The following PIBF1 variants were observed in gnomAD, a reference collection of about 807,000 sequenced individuals.
The protein encoded by PIBF1 is progesterone immunomodulatory binding factor 1, also known as progesterone-induced-blocking factor 1.
Under a neutral mutation model 112.5 loss-of-function variants are expected in PIBF1, and 90 were observed. That is an observed-to-expected ratio of 0.80 (90% confidence interval 0.67 to 0.95). The LOEUF (loss-of-function observed/expected upper bound fraction) is 0.95, where lower values mean the gene tolerates loss of function less well. Ranked by LOEUF, PIBF1 falls within the 40% of genes least tolerant of loss-of-function variation. The pLI is 0.00. For synonymous variants in PIBF1, 301 were observed against 288.6 expected (o/e 1.04, Z -0.44); for missense variants, 915 against 852.3 (o/e 1.07, Z -0.92).
intron 17 of PIBF1, among the ~76,000 whole-genome samples, chr13:73,009,797 G>C (rs934593010): frequency 2.6e-5 from 4 of 152,198 alleles, no homozygotes; most frequent in African/African-American, 9.6e-5. Flanking sequence ...ACTTGACTGT[G>C]GCAAATCTGT....
chr13:72,878,089 T>G (rs1343922690), intron 10 of PIBF1, among the ~76,000 whole-genome samples: 1 of 151,932 alleles, frequency 6.6e-6, no homozygotes, highest in Admixed American at 6.6e-5. Flanking sequence ...CTCTTTTTCT[T>G]AGTGTAGCTA....
At chr13:72,870,360 A>C (rs2039111058) in intron 10 of PIBF1, among the ~76,000 whole-genome samples, 1 of 152,214 alleles carries the variant, frequency 6.6e-6, no homozygotes, top group African/African-American at 2.4e-5. Flanking sequence ...TGAGTACATC[A>C]AAAGGCAAAA....
At position 72,998,872 on chromosome 13, in the gene PIBF1, T is replaced by G; in HGVS notation, c.2100T>G (p.Ser700=). ...QILVKMHSKH[S]ENSLLLTKTE... ...TCGTTAAGATGCATAGTAAACATTCTGAGAACAGCTTACTTCTCACTAAAA... is the reference window on the plus strand; with the variant it reads ...TCGTTAAGATGCATAGTAAACATTCGGAGAACAGCTTACTTCTCACTAAAA... The change falls in exon 17 of 18, where the codon TCT becomes TCG. Residue 700 remains serine (S), a synonymous_variant. Coordinates refer to ENST00000326291, the MANE Select transcript of PIBF1 (RefSeq NM_006346.4). 2 of 1,612,270 alleles carry G rather than the reference T, an allele frequency of 1.2e-6. No homozygotes were observed. Among genetic ancestry groups the G allele is most frequent in the Non-Finnish European group, 1.7e-6 (2 of 1,178,770 alleles).
At chr13:73,013,628 T>C (rs1435670982) in intron 17 of PIBF1, among the ~76,000 whole-genome samples, 1 of 150,102 alleles carries the variant, frequency 6.7e-6, no homozygotes, top group Non-Finnish European at 1.5e-5. Flanking sequence ...TCCCAGGTAC[T>C]CGGAAGGCTG....
intron 2 of PIBF1, among the ~76,000 whole-genome samples, chr13:72,792,022 G>A (rs754243082): frequency 2.6e-4 from 39 of 152,058 alleles, no homozygotes; most frequent in African/African-American, 7.0e-4. Context: ...GAGGCCAGGC[G>A]CGGTGGCTCA....
intron 5 of PIBF1, among the ~76,000 whole-genome samples, chr13:72,802,595 A>G (rs1441593642): frequency 6.6e-6 from 1 of 152,204 alleles, no homozygotes; most frequent in African/African-American, 2.4e-5. Flanking sequence ...AACTGGAAGG[A>G]TAGATTTCTG....
intron 14 of PIBF1, among the ~76,000 whole-genome samples, chr13:72,964,186 A>G (rs980988098): frequency 2.0e-5 from 3 of 152,244 alleles, no homozygotes; most frequent in African/African-American, 7.2e-5. Flanking sequence ...ATGATACAAC[A>G]TAGATGAACT....
At chr13:72,847,193 A>G (rs906843821) in intron 9 of PIBF1, among the ~76,000 whole-genome samples, 1 of 152,182 alleles carries the variant, frequency 6.6e-6, no homozygotes, top group East Asian at 1.9e-4. Flanking sequence ...ATAATTTTTC[A>G]ACCATAATTT....
intron 17 of PIBF1, among the ~76,000 whole-genome samples, chr13:73,013,312 A>G (rs2044271054): frequency 6.9e-6 from 1 of 145,650 alleles, no homozygotes; most frequent in African/African-American, 2.5e-5. Flanking sequence ...AAAAAAAAAA[A>G]AAAAAAAAAA....
At chr13:72,888,372 G>A (rs145266033) in intron 10 of PIBF1, among the ~76,000 whole-genome samples, 11 of 152,208 alleles carry the variant, frequency 7.2e-5, no homozygotes, top group African/African-American at 2.6e-4. Flanking sequence ...TCAAATATTG[G>A]TGAGGAGATG....
chr13:72,925,698 C>T (rs2041457611), intron 13 of PIBF1, among the ~76,000 whole-genome samples: 1 of 151,796 alleles, frequency 6.6e-6, no homozygotes, highest in Non-Finnish European at 1.5e-5. Flanking sequence ...CCTGCCACCA[C>T]ACCCAGCTAA....
At chr13:72,871,575 A>T (rs1185906897) in intron 10 of PIBF1, among the ~76,000 whole-genome samples, 1 of 152,094 alleles carries the variant, frequency 6.6e-6, no homozygotes, top group Non-Finnish European at 1.5e-5. Context: ...AAGTGCTGAG[A>T]TTACAGACGT....
intron 16 of PIBF1, among the ~76,000 whole-genome samples, chr13:72,975,909 A>G (rs371115138): frequency 2.6e-5 from 4 of 152,334 alleles, no homozygotes; most frequent in African/African-American, 2.4e-5. Context: ...AGCCATATCA[A>G]CTACATTTTT....
In PIBF1 at chr13:72,923,973, A is replaced by ATT. The variant is rs554298652; in HGVS notation, c.1730+6813_1730+6814dup. ...GAGCGAAACTCTAACTCAAAAAAAA[A>ATT]TTTTTTTAAATAAAGATCTTAGGAC... is the stretch of plus-strand genomic sequence containing the variant. On this transcript the variant is annotated intron_variant, in intron 13 of 17. Transcript: ENST00000326291. 7.0e-3 allele frequency among the ~76,000 whole-genome samples: 1,066 copies of ATT among 152,240 alleles called. 14 individuals carry two copies. Among genetic ancestry groups the ATT allele is most frequent in the African/African-American group, 0.025 (1,028 of 41,534 alleles).
At chr13:72,893,578 G>T (rs1442221388) in intron 10 of PIBF1, among the ~76,000 whole-genome samples, 1 of 151,944 alleles carries the variant, frequency 6.6e-6, no homozygotes, top group African/African-American at 2.4e-5. Context: ...AGGGTAGAAT[G>T]GTGAAAGTTA....
chr13:72,888,659 C>G (rs995227980), intron 10 of PIBF1, among the ~76,000 whole-genome samples: 1 of 151,290 alleles, frequency 6.6e-6, no homozygotes, highest in African/African-American at 2.4e-5. Flanking sequence ...ACATTGTGGT[C>G]TATTATATAG....
At chr13:72,865,665 A>G (rs751666104) in intron 10 of PIBF1, among the ~76,000 whole-genome samples, 1 of 152,226 alleles carries the variant, frequency 6.6e-6, no homozygotes, top group Non-Finnish European at 1.5e-5. Flanking sequence ...AAACAAGTCT[A>G]AAGAAGTAAT....
chr13:72,877,429 G>T (rs913679818), intron 10 of PIBF1, among the ~76,000 whole-genome samples: 1 of 152,110 alleles, frequency 6.6e-6, no homozygotes, highest in Non-Finnish European at 1.5e-5. Context: ...TCTGCTTCTA[G>T]CCTCTGGTGG....
intron 10 of PIBF1, among the ~76,000 whole-genome samples, chr13:72,893,260 G>T (rs2040131814): frequency 6.6e-6 from 1 of 152,074 alleles, no homozygotes; most frequent in African/African-American, 2.4e-5. Context: ...CTACTTGTAG[G>T]TCTATATTTA....
Sources: gnomAD v4.1 joint callset for allele counts (sites outside exome capture counted in the v4.1 genomes callset) on GRCh38, gnomAD v4.1.1 for gene constraint, MANE v1.5 for transcripts, NCBI Gene and HGNC (gene_info 2026-07-23, HGNC 2026-07-21) for gene names.